The following REN variants were observed in gnomAD, a reference collection of about 807,000 sequenced individuals.
REN encodes the protein angiotensin-forming enzyme.
REN carries 42 observed loss-of-function variants against 48.6 expected under a neutral mutation model. That is an observed-to-expected ratio of 0.86 (90% CI 0.68 to 1.12). REN has a LOEUF of 1.12. Among genes scored for constraint, REN ranks in the 50% most tolerant of loss-of-function variants. The pLI is 0.00. For synonymous variants in REN, 196 were observed against 204.6 expected, an observed-to-expected ratio of 0.96 and a Z score of 0.36; for missense variants, 443 against 527.3, an observed-to-expected ratio of 0.84 and a Z score of 1.57.
intron 1 of REN, among the ~76,000 whole-genome samples, chr1:204,163,150 T>C (rs1571649798): frequency 1.3e-5 from 2 of 152,160 alleles, no homozygotes; most frequent in East Asian, 1.9e-4. Flanking sequence ...GAAGCCCAAG[T>C]TGACTCTGCA....
intron 5 of REN, among the ~76,000 whole-genome samples, chr1:204,157,756 C>T (rs1658174075): frequency 6.6e-6 from 1 of 152,242 alleles, no homozygotes; most frequent in South Asian, 2.1e-4. Context: ...CAACTGCAAA[C>T]TACTTGTGTT....
chr1:204,165,074 C>T (rs889601628), intron 1 of REN, among the ~76,000 whole-genome samples: 1 of 151,756 alleles, frequency 6.6e-6, no homozygotes, highest in Non-Finnish European at 1.5e-5. Context: ...CAGGTTCAAG[C>T]GATTCTCCTG....
chr1:204,157,053 A>G lies in REN; in HGVS notation c.699-257T>C, dbSNP rs1287708072. Among the ~76,000 whole-genome samples the G allele has an allele frequency of 3.3e-5, 5 of 152,222 alleles. No individual in the cohort carries two copies. In the East Asian group the frequency reaches 9.6e-4, roughly 29 times the overall value. ...AGCTGTTCCCCCAAAAAGCATCCCC[A>G]GAGAGGTCACAGAAAAGGAGCAGGT... On this transcript the variant is annotated intron_variant, in intron 6 of 9. Transcript: ENST00000272190.
intron 5 of REN, among the ~76,000 whole-genome samples, chr1:204,158,329 C>T (rs1395288619): frequency 6.6e-6 from 1 of 152,096 alleles, no homozygotes; most frequent in Non-Finnish European, 1.5e-5. Context: ...AGACTCCTCT[C>T]CATTTTACTG....
At position 204,159,440 on chromosome 1, in the gene REN, T is replaced by C. The variant is rs937083168; in HGVS notation, c.648A>G (p.Gln216=). 1.2e-6 allele frequency: 2 copies of C among 1,613,984 alleles called. No homozygotes were observed. Among genetic ancestry groups the C allele is most frequent in the Non-Finnish European group, 1.7e-6 (2 of 1,180,028 alleles). ...AGAAGACGTCCTCTTTTAGCACCCC[T>C]TGGGAGATGATGTTGTCGAAGATAG... ...VTPIFDNIIS[Q]GVLKEDVFSF... is the part of the protein sequence containing the mutation. Residue 216 remains glutamine (Q), a synonymous_variant, in exon 5 of 10, where the codon CAA becomes CAG. Coordinates refer to ENST00000272190, the MANE Select transcript of REN (RefSeq NM_000537.4).
Position 204,156,462 on chromosome 1 carries a change from G to A in REN, c.819-143C>T. On this transcript the variant is annotated intron_variant, in intron 7 of 9. Transcript: ENST00000272190. This position sits in a 1 kb window ranked among gnomAD's most constrained non-coding sequence, Gnocchi z 4.2. The stretch of plus-strand genomic sequence containing the variant: ...CCTGTTGAGGCAGTGAGTAGAGGAG[G>A]GAAGGTACTGTCACCCTCCACCACT... 1 of 1,353,290 alleles carries A rather than the reference G, an allele frequency of 7.4e-7. No individual in the cohort carries two copies. The highest frequency in any genetic ancestry group is 1.0e-6 in the Non-Finnish European group (1 of 980,022). The allele number at this position is 1,353,290 out of a possible 1,614,324, so 83.8% of individuals were successfully genotyped here.
chr1:204,156,341 C>CAGACAGACAGAT lies in REN; in HGVS notation c.819-23_819-22insATCTGTCTGTCT, dbSNP rs750034406. The CAGACAGACAGAT allele has an allele frequency of 3.7e-6, 6 of 1,603,296 alleles. No homozygotes were observed. The highest frequency in any genetic ancestry group is 5.1e-6 in the Non-Finnish European group (6 of 1,176,934). ...CACCCTGGGGGAGGCCACAGTCAGACAGACAGACAGACAGACAGACAGAAG... is the reference window on the plus strand; with the variant it reads ...CACCCTGGGGGAGGCCACAGTCAGACAGACAGACAGATAGACAGACAGACAGACAGACAGAAG... On this transcript the variant is annotated intron_variant, in intron 7 of 9. Coordinates refer to ENST00000272190, the MANE Select transcript of REN (RefSeq NM_000537.4). The surrounding 1 kb of genome is among the most constrained non-coding windows in gnomAD (Gnocchi z 4.2).
intron 3 of REN, 115 bp from the exon 4 acceptor site, chr1:204,160,793 T>C (rs970364888): frequency 1.2e-6 from 1 of 807,490 alleles, no homozygotes; most frequent in Non-Finnish European, 2.2e-6. Flanking sequence ...TGAGTGGCCC[T>C]AGGGTCAGGG....
Position 204,156,905 on chromosome 1 carries a change from A to T in REN, c.699-109T>A. Reference sequence around the variant, plus strand: ...TGCAGGGGAGGACAGAGGGCTCTAGAGCAGAGGAATGTGGGACAGACAGCC... The same window carrying T: ...TGCAGGGGAGGACAGAGGGCTCTAGTGCAGAGGAATGTGGGACAGACAGCC... On this transcript the variant is annotated intron_variant, in intron 6 of 9. Coordinates refer to ENST00000272190, the MANE Select transcript of REN (RefSeq NM_000537.4). The surrounding 1 kb of genome is among the most constrained non-coding windows in gnomAD (Gnocchi z 4.2). 7.1e-7 allele frequency: 1 copy of T among 1,399,448 alleles called. No homozygotes were observed. Among genetic ancestry groups the T allele is most frequent in the Admixed American group, 1.7e-5 (1 of 59,518 alleles). The allele number at this position is 1,399,448 out of a possible 1,614,324, so 86.7% of individuals were successfully genotyped here. A position where few individuals can be genotyped will look rare whatever the true frequency, so the allele number is the denominator to read the frequency against.
At chr1:204,160,779 G>T in intron 3 of REN, 101 bp from the exon 4 acceptor site, 1 of 844,452 alleles carries the variant, frequency 1.2e-6, no homozygotes, top group Non-Finnish European at 2.1e-6. Context: ...CTTAGGTGCA[G>T]GGATGAGTGG....
intron 2 of REN, 109 bp downstream of exon 2, chr1:204,161,904 G>T (rs570094618): frequency 2.7e-5 from 38 of 1,406,582 alleles, no homozygotes; most frequent in Non-Finnish European, 3.7e-5. Context: ...GCTACTCAGC[G>T]CCTTCGTCAA....
Position 204,155,235 on chromosome 1 carries a change from T to C in REN, c.1060-58A>G, listed in dbSNP as rs1658127631. 1.8e-5 allele frequency: 28 copies of C among 1,587,456 alleles called. No individual in the cohort carries two copies. The South Asian group carries it at 3.1e-4, about 18-fold the overall frequency. Reference sequence around the variant, plus strand: ...AGCACATGAGCATTCTCCTTTCACCTTGCCTGACCCCCAGCAACTGTCTTC... The same window carrying C: ...AGCACATGAGCATTCTCCTTTCACCCTGCCTGACCCCCAGCAACTGTCTTC... On this transcript the variant is annotated intron_variant, in intron 9 of 9. Transcript: ENST00000272190.
intron 1 of REN, 61 bp downstream of exon 1, chr1:204,166,135 T>A: frequency 4.4e-6 from 6 of 1,373,920 alleles, no homozygotes; most frequent in Non-Finnish European, 6.2e-6. Context: ...AAAGCCAGGG[T>A]GTTGGGAAGG....
In REN at chr1:204,164,223, C is replaced by T. The variant is rs976837599; in HGVS notation, c.98+1973G>A. On this transcript the variant is annotated intron_variant, in intron 1 of 9. Transcript: ENST00000272190. ...CCATCCTCTTACCCAGTGCTCACAA[C>T]CCAGCAATTACTCTCCGAGAGCCTC... Among the ~76,000 whole-genome samples the T allele has an allele frequency of 2.6e-5, 4 of 152,228 alleles. No homozygotes were observed. The East Asian group carries it at 5.8e-4, about 22-fold the overall frequency.
Position 204,156,029 on chromosome 1 carries a change from C to T in REN, c.961-111G>A. On this transcript the variant is annotated intron_variant, in intron 8 of 9. Coordinates refer to ENST00000272190, the MANE Select transcript of REN (RefSeq NM_000537.4). The surrounding 1 kb of genome is among the most constrained non-coding windows in gnomAD (Gnocchi z 4.2). ...TGCTGGAGAGGGCTGGGGACAGTGC[C>T]CCGCCCCATGGGTGACCAGCCACAT... 4 of 1,449,016 alleles carry T rather than the reference C, an allele frequency of 2.8e-6. No homozygotes were observed. Among genetic ancestry groups the T allele is most frequent in the Non-Finnish European group, 3.9e-6 (4 of 1,033,724 alleles). The allele number at this position is 1,449,016 out of a possible 1,614,324, so 89.8% of individuals were successfully genotyped here.
chr1:204,166,136 G>A, intron 1 of REN, 60 bp downstream of exon 1: 2 of 1,398,362 alleles, frequency 1.4e-6, no homozygotes, highest in Non-Finnish European at 2.0e-6. Context: ...AAGCCAGGGT[G>A]TTGGGAAGGT....
intron 5 of REN, 31 bp downstream of exon 5, chr1:204,159,368 C>G (rs1558244516): frequency 1.9e-6 from 3 of 1,600,926 alleles, no homozygotes; most frequent in Non-Finnish European, 2.6e-6. Context: ...TCCTGTCCCC[C>G]CACCTCAGCC....
chr1:204,157,423 C>G, intron 5 of REN, 54 bp from the exon 6 acceptor site: 4 of 1,613,734 alleles, frequency 2.5e-6, no homozygotes, highest in Non-Finnish European at 3.4e-6. Context: ...CCAGCCTCAT[C>G]AGCCCTGCTG....
rs1245420424 is a variant in REN, at chr1:204,164,413, C to T, written c.98+1783G>A. Among the ~76,000 whole-genome samples the T allele has an allele frequency of 2.6e-5, 4 of 152,258 alleles. No homozygotes were observed. In the South Asian group the frequency reaches 8.3e-4, roughly 32 times the overall value. On this transcript the variant is annotated intron_variant, in intron 1 of 9. Coordinates refer to ENST00000272190, the MANE Select transcript of REN (RefSeq NM_000537.4). ...AGACATGTGAAAAGATCCTGTGACA[C>T]CCTAAGCATTTTATAGGCTTAGCAA...
Sources: gnomAD v4.1 joint callset for allele counts (sites outside exome capture counted in the v4.1 genomes callset) on GRCh38, gnomAD v4.1.1 for gene constraint, Gnocchi (gnomAD v3.1) non-coding constraint, MANE v1.5 for transcripts, NCBI Gene and HGNC (gene_info 2026-07-23, HGNC 2026-07-21) for gene names.